The following NRG1 variants were observed in gnomAD, a reference collection of about 807,000 sequenced individuals.
The protein encoded by NRG1 is pro-neuregulin-1, membrane-bound isoform.
Under a neutral mutation model 63.8 loss-of-function variants are expected in NRG1, and 18 were observed. The ratio of observed to expected loss-of-function variants is 0.28; its 90% confidence interval spans 0.19 to 0.42. The LOEUF (loss-of-function observed/expected upper bound fraction) is 0.42, where lower values mean the gene tolerates loss of function less well. NRG1 is among the 10% of genes least tolerant of loss of function. The pLI is 1.00. For synonymous variants in NRG1, 302 were observed against 301.3 expected, an observed-to-expected ratio of 1.00 and a Z score of -0.02; for missense variants, 762 against 814.7, an observed-to-expected ratio of 0.94 and a Z score of 0.79.
intron 1 of NRG1, among the ~76,000 whole-genome samples, chr8:32,216,815 TATTA>T (rs1022185355): frequency 1.3e-5 from 2 of 152,050 alleles, no homozygotes; most frequent in Admixed American, 1.3e-4. Context: ...AACATAATTC[TATTA>T]GTTAGAGCCA....
intron 1 of NRG1, among the ~76,000 whole-genome samples, chr8:31,877,515 A>C (rs1402673064): frequency 6.6e-6 from 1 of 151,928 alleles, no homozygotes; most frequent in Non-Finnish European, 1.5e-5. Flanking sequence ...TAGATAATAT[A>C]TATAAATTAT....
At chr8:32,645,871 T>C (rs1333273453) in intron 5 of NRG1, among the ~76,000 whole-genome samples, 1 of 152,000 alleles carries the variant, frequency 6.6e-6, no homozygotes, top group Non-Finnish European at 1.5e-5. Flanking sequence ...TTCTAGTGTT[T>C]TAATGACTGT....
At chr8:32,727,262 T>G (rs16879884) in intron 5 of NRG1, among the ~76,000 whole-genome samples, 8,490 of 152,264 alleles carry the variant, frequency 0.056, 786 homozygotes, top group African/African-American at 0.19. Flanking sequence ...TATTTTGTAG[T>G]GCTTTAGTCT....
Position 32,199,929 on chromosome 8 carries a change from A to T in NRG1, c.38-395899A>T, listed in dbSNP as rs566034610. Among the ~76,000 whole-genome samples, 9 of 152,142 alleles carry T rather than the reference A, an allele frequency of 5.9e-5. No individual in the cohort carries two copies. The East Asian group carries it at 1.7e-3, about 30-fold the overall frequency. On this transcript the variant is annotated intron_variant, in intron 1 of 10. Coordinates refer to the NRG1 transcript ENST00000519301. ...TGAGTAGCTGGGATTACAGGTGCGC[A>T]CCATCATGCCCAACTAATTTTGTAT...
At chr8:31,645,438 A>T (rs1028791183) in intron 1 of NRG1, among the ~76,000 whole-genome samples, 7 of 152,184 alleles carry the variant, frequency 4.6e-5, no homozygotes, top group Non-Finnish European at 5.9e-5. Context: ...GCTGTAGTGC[A>T]CTTCAAGTAA....
In NRG1 at chr8:32,553,885, T is replaced by C. The variant is rs567511893; in HGVS notation, c.100+5059T>C. On this transcript the variant is annotated intron_variant, in intron 1 of 11. Transcript: ENST00000356819. Reference sequence around the variant, plus strand: ...TTTTTTATTTCCTCCTCAGCCTTCCTAGAATGGCTATAGGTAGTGTTTAAA... The same window carrying C: ...TTTTTTATTTCCTCCTCAGCCTTCCCAGAATGGCTATAGGTAGTGTTTAAA... 1.4e-3 allele frequency among the ~76,000 whole-genome samples: 217 copies of C among 152,312 alleles called. 1 individual carries two copies. The highest frequency in any genetic ancestry group is 2.5e-3 in the South Asian group (12 of 4,826).
At chr8:31,810,065 C>T (rs1486051565) in intron 1 of NRG1, among the ~76,000 whole-genome samples, 1 of 152,052 alleles carries the variant, frequency 6.6e-6, no homozygotes, top group African/African-American at 2.4e-5. Context: ...TCATGCCAAC[C>T]TTGGATTCAT....
chr8:31,798,625 G>A (rs1376815703), intron 1 of NRG1, among the ~76,000 whole-genome samples: 2 of 152,088 alleles, frequency 1.3e-5, no homozygotes, highest in Non-Finnish European at 2.9e-5. Context: ...ATACGGTTTT[G>A]TTTGCTTAAT....
At chr8:32,400,709 C>T (rs578098645) in intron 1 of NRG1, among the ~76,000 whole-genome samples, 41 of 152,290 alleles carry the variant, frequency 2.7e-4, no homozygotes, top group African/African-American at 8.9e-4. Context: ...TCAGTTCAGC[C>T]GTTCTGGAAA....
At chr8:32,687,857 G>A (rs777346040) in intron 5 of NRG1, among the ~76,000 whole-genome samples, 3 of 152,218 alleles carry the variant, frequency 2.0e-5, no homozygotes, top group South Asian at 2.1e-4. Context: ...AATAGACCAG[G>A]CATGATGGCT....
At chr8:32,648,397 A>C (rs1214677412) in intron 5 of NRG1, 1 of 1,609,786 alleles carries the variant, frequency 6.2e-7, no homozygotes, top group Non-Finnish European at 8.5e-7. Context: ...AAGTAGAGAG[A>C]GAGAGAGAGA....
intron 5 of NRG1, chr8:32,721,884 G>C: frequency 1.4e-6 from 2 of 1,432,508 alleles, no homozygotes; most frequent in Non-Finnish European, 1.8e-6. Flanking sequence ...AACCACCTAA[G>C]CATTTTTTTC....
rs982442612 is a variant in NRG1 at position 31,640,159 on chromosome 8, G to C, written c.37+728G>C. The C allele has an allele frequency of 9.3e-5, 110 of 1,180,342 alleles. No homozygotes were observed. The highest frequency in any genetic ancestry group is 3.3e-4 in the Middle Eastern group (1 of 3,018). The allele number at this position is 1,180,342 out of a possible 1,614,324, so 73.1% of individuals were successfully genotyped here. On this transcript the variant is annotated intron_variant, in intron 1 of 10. Transcript: ENST00000519301. This position sits in a 1 kb window ranked among gnomAD's most constrained non-coding sequence, Gnocchi z 6.3. Reference sequence around the variant, plus strand: ...CGGCAACGAGGCGGCTCCCGCGGGGGCCTCGGTGTGCTACTCGTCCCCGCC... The same window carrying C: ...CGGCAACGAGGCGGCTCCCGCGGGGCCCTCGGTGTGCTACTCGTCCCCGCC...
chr8:32,456,774 C>G (rs1220746683), intron 1 of NRG1, among the ~76,000 whole-genome samples: 1 of 151,988 alleles, frequency 6.6e-6, no homozygotes, highest in Non-Finnish European at 1.5e-5. Flanking sequence ...GTGGTTGGAC[C>G]CCCCCAGCAT....
intron 1 of NRG1, among the ~76,000 whole-genome samples, chr8:31,886,819 G>A (rs558178200): frequency 6.6e-6 from 1 of 152,176 alleles, no homozygotes; most frequent in Admixed American, 6.5e-5. Context: ...AAGCAACACA[G>A]TGAGAAACCT....
chr8:32,556,395 G>A (rs1835180216), intron 1 of NRG1, among the ~76,000 whole-genome samples: 1 of 152,098 alleles, frequency 6.6e-6, no homozygotes, highest in Non-Finnish European at 1.5e-5. Context: ...AGAGCAACTA[G>A]CATTTTCCCT....
At chr8:32,045,363 C>G (rs1820837121) in intron 1 of NRG1, among the ~76,000 whole-genome samples, 1 of 151,828 alleles carries the variant, frequency 6.6e-6, no homozygotes, top group East Asian at 1.9e-4. Context: ...GTACCTTGTT[C>G]ATGGATTAAA....
At chr8:32,733,125 C>A (rs1824147163) in intron 6 of NRG1, among the ~76,000 whole-genome samples, 1 of 151,996 alleles carries the variant, frequency 6.6e-6, no homozygotes, top group African/African-American at 2.4e-5. Context: ...ATTTCTAATT[C>A]TTTATTTTAC....
At chr8:31,882,880 A>G (rs1830456467) in intron 1 of NRG1, among the ~76,000 whole-genome samples, 1 of 152,160 alleles carries the variant, frequency 6.6e-6, no homozygotes, top group South Asian at 2.1e-4. Context: ...GATGAGCAAA[A>G]TAAGTTTTCT....
Sources: allele counts gnomAD v4.1 joint callset (sites outside exome capture counted in the v4.1 genomes callset), GRCh38; gene constraint gnomAD v4.1.1; non-coding constraint Gnocchi (gnomAD v3.1); transcripts MANE v1.5; gene names NCBI Gene and HGNC (gene_info 2026-07-23, HGNC 2026-07-21).